Variants in VTA1 observed in about 807,000 individuals in gnomAD.
VTA1 encodes vesicle trafficking 1, also known as vacuolar protein sorting-associated protein VTA1 homolog.
Under a neutral mutation model 36.9 loss-of-function variants are expected in VTA1, and 24 were observed. The observed-to-expected ratio is 0.65, with a 90% CI of 0.47 to 0.91. The LOEUF (loss-of-function observed/expected upper bound fraction) is 0.91, where lower values mean the gene tolerates loss of function less well. VTA1 is among the 40% of genes least tolerant of loss of function. The pLI, the probability that VTA1 is intolerant of heterozygous loss-of-function variation, is 0.00. For synonymous variants in VTA1, 142 were observed against 130.2 expected (o/e 1.09, Z -0.62); for missense variants, 393 against 377.2 (o/e 1.04, Z -0.35).
chr6:142,151,157 T>G (rs225626), intron 1 of VTA1, among the ~76,000 whole-genome samples: 121,148 of 152,076 alleles, frequency 0.8, 48,574 homozygotes, highest in East Asian at 0.97. Flanking sequence ...TATCAAGAGG[T>G]TGAGGAGGAA....
intron 6 of VTA1, 35 bp from the exon 7 acceptor site, chr6:142,203,950 A>G (rs773665097): frequency 1.8e-5 from 29 of 1,568,052 alleles, no homozygotes; most frequent in South Asian, 2.2e-5. Flanking sequence ...AAGGTGTAAT[A>G]CTTCTATGCC....
intron 2 of VTA1, 28 bp from the exon 3 acceptor site, chr6:142,169,522 A>G (rs780926315): frequency 6.2e-7 from 1 of 1,600,462 alleles, no homozygotes; most frequent in Non-Finnish European, 8.5e-7. Flanking sequence ...GTCCAAAATC[A>G]TAAGCTATGT....
chr6:142,198,406 C>A, intron 5 of VTA1, 33 bp from the exon 6 acceptor site: 1 of 1,582,698 alleles, frequency 6.3e-7, no homozygotes, highest in Non-Finnish European at 8.6e-7. Context: ...TTCAAAATAC[C>A]TACTGTAACA....
At chr6:142,214,944 T>C (rs186414791) in intron 7 of VTA1, among the ~76,000 whole-genome samples, 159 of 152,326 alleles carry the variant, frequency 1.0e-3, no homozygotes, top group African/African-American at 3.7e-3. Flanking sequence ...GCTACATATT[T>C]CTCCTTACTG....
chr6:142,182,462 A>G (rs960526666), intron 4 of VTA1, among the ~76,000 whole-genome samples: 2 of 152,222 alleles, frequency 1.3e-5, no homozygotes, highest in Admixed American at 1.3e-4. Flanking sequence ...TATGTTATTA[A>G]ATAATCAAGG....
intron 1 of VTA1, among the ~76,000 whole-genome samples, chr6:142,159,707 G>A (rs1002589115): frequency 2.6e-5 from 4 of 151,468 alleles, no homozygotes; most frequent in African/African-American, 7.3e-5. Context: ...TAGAGACAGG[G>A]TTTCACCGTG....
rs544437362 is a variant in VTA1 at position 142,220,663 on chromosome 6, C to A, written c.*2020C>A. Reference sequence around the variant, plus strand: ...TCCCAGTTGTCTATGTGGCCCAGTGCTTAAAAACGCCTTCTTGCATGAGGG... The same window carrying A: ...TCCCAGTTGTCTATGTGGCCCAGTGATTAAAAACGCCTTCTTGCATGAGGG... On this transcript the variant is annotated 3_prime_UTR_variant, in exon 8 of 8. Transcript: ENST00000367630. 1.3e-5 allele frequency: 2 copies of A among 152,178 alleles called. No homozygotes were observed. Among genetic ancestry groups the A allele is most frequent in the East Asian group, 3.9e-4 (2 of 5,170 alleles). 9.4% of individuals were successfully genotyped at this position (152,178 alleles called of 1,614,324 possible). A position where few individuals can be genotyped will look rare whatever the true frequency, so the allele number is the denominator to read the frequency against.
At chr6:142,209,961 A>G (rs1775870574) in intron 7 of VTA1, among the ~76,000 whole-genome samples, 1 of 152,134 alleles carries the variant, frequency 6.6e-6, no homozygotes, top group Non-Finnish European at 1.5e-5. Context: ...TAGTAAAAGC[A>G]AAACTGAGCA....
chr6:142,194,259 T>C (rs1254492941), intron 5 of VTA1, among the ~76,000 whole-genome samples: 1 of 152,152 alleles, frequency 6.6e-6, no homozygotes, highest in Non-Finnish European at 1.5e-5. Context: ...TTATCTTAAC[T>C]ATTCTGTCCT....
At chr6:142,171,763 T>C (rs1384523745) in intron 4 of VTA1, among the ~76,000 whole-genome samples, 1 of 152,070 alleles carries the variant, frequency 6.6e-6, no homozygotes, top group East Asian at 1.9e-4. Context: ...TTGAACACTA[T>C]GGGCAATGTT....
chr6:142,213,719 G>C (rs755909261), intron 7 of VTA1, among the ~76,000 whole-genome samples: 10 of 152,284 alleles, frequency 6.6e-5, no homozygotes, highest in Non-Finnish European at 1.5e-4. Context: ...CCTTGGTGTG[G>C]CCATGGCCCA....
intron 4 of VTA1, among the ~76,000 whole-genome samples, chr6:142,186,614 C>T (rs1775344043): frequency 6.6e-6 from 1 of 151,964 alleles, no homozygotes; most frequent in East Asian, 1.9e-4. Flanking sequence ...ATGACTCCTC[C>T]CATTTACTTG....
In VTA1 at chr6:142,221,781, A is replaced by G. The variant is rs1296986733; in HGVS notation, c.*3138A>G. The G allele has an allele frequency of 6.8e-6, 1 of 148,040 alleles. No homozygotes were observed. Among genetic ancestry groups the G allele is most frequent in the Non-Finnish European group, 1.5e-5 (1 of 67,236 alleles). The allele number at this position is 148,040 out of a possible 1,614,324, so 9.2% of individuals were successfully genotyped here. A position where few individuals can be genotyped will look rare whatever the true frequency, so the allele number is the denominator to read the frequency against. On this transcript the variant is annotated 3_prime_UTR_variant, in exon 8 of 8. Coordinates refer to ENST00000367630, the MANE Select transcript of VTA1 (RefSeq NM_016485.5). ...TATTAATATATAAATATGTATTTATATATAAATCATAAATATATTAATAAA... is the reference window on the plus strand; with the variant it reads ...TATTAATATATAAATATGTATTTATGTATAAATCATAAATATATTAATAAA...
intron 2 of VTA1, among the ~76,000 whole-genome samples, chr6:142,167,299 T>C (rs1228695942): frequency 2.6e-5 from 4 of 152,208 alleles, no homozygotes; most frequent in Non-Finnish European, 5.9e-5. Context: ...CTCTGTCCTG[T>C]AACTCCTGGA....
Position 142,217,774 on chromosome 6 carries a change from A to G in VTA1, c.779-724A>G, listed in dbSNP as rs548595977. Among the ~76,000 whole-genome samples the G allele has an allele frequency of 1.1e-4, 17 of 152,114 alleles. No homozygotes were observed. The South Asian group carries it at 3.5e-3, about 31-fold the overall frequency. ...GTGGTTATTTCAAAAGACAAGATAC[A>G]ATGTCCATTTTTAATTTTGTCTTTA... On this transcript the variant is annotated intron_variant, in intron 7 of 7. Coordinates refer to ENST00000367630, the MANE Select transcript of VTA1 (RefSeq NM_016485.5).
chr6:142,175,774 AT>A (rs202026296), intron 4 of VTA1, among the ~76,000 whole-genome samples: 1 of 150,890 alleles, frequency 6.6e-6, no homozygotes, highest in Non-Finnish European at 1.5e-5. Flanking sequence ...TCATTTCTTG[AT>A]TTTTTTTTCC....
intron 1 of VTA1, 135 bp from the exon 2 acceptor site, chr6:142,166,093 A>G: frequency 3.5e-6 from 2 of 571,432 alleles, no homozygotes; most frequent in Non-Finnish European, 5.7e-6. Flanking sequence ...TAGGTTTATA[A>G]CTTCCATAGT....
chr6:142,165,000 C>T (rs1183855300), intron 1 of VTA1, among the ~76,000 whole-genome samples: 1 of 152,140 alleles, frequency 6.6e-6, no homozygotes, highest in Non-Finnish European at 1.5e-5. Context: ...AACGTTATAT[C>T]TCTACTTCAT....
chr6:142,198,030 G>A (rs574604705), intron 5 of VTA1, among the ~76,000 whole-genome samples: 20 of 151,464 alleles, frequency 1.3e-4, no homozygotes, highest in Non-Finnish European at 2.5e-4. Context: ...CTGGGAGGTA[G>A]AGCTTGCCGT....
Sources: allele counts gnomAD v4.1 joint callset (sites outside exome capture counted in the v4.1 genomes callset), GRCh38; gene constraint gnomAD v4.1.1; transcripts MANE v1.5; gene names NCBI Gene and HGNC (gene_info 2026-07-23, HGNC 2026-07-21).